TOPBP1: variants seen among roughly 807,000 people sequenced by gnomAD.
The protein encoded by TOPBP1 is DNA topoisomerase II binding protein 1.
Under a neutral mutation model 167.7 loss-of-function variants are expected in TOPBP1, and 28 were observed. The observed-to-expected ratio is 0.17, with a 90% CI of 0.12 to 0.23. The LOEUF is 0.23. TOPBP1 is among the 10% of genes least tolerant of loss of function. The pLI is 1.00. For missense variants in TOPBP1, 1,554 were observed against 1,809.6 expected, an observed-to-expected ratio of 0.86 and a Z score of 2.56; for synonymous variants, 598 against 611.4, an observed-to-expected ratio of 0.98 and a Z score of 0.32.
intron 5 of TOPBP1, 122 bp from the exon 6 acceptor site, chr3:133,655,608 G>A: frequency 3.9e-6 from 2 of 517,470 alleles, no homozygotes; most frequent in African/African-American, 2.0e-5. Flanking sequence ...TTTTTACAAA[G>A]GAGAACCACC....
intron 16 of TOPBP1, among the ~76,000 whole-genome samples, chr3:133,626,117 CCAAA>C (rs1391254028): frequency 1.3e-5 from 2 of 152,140 alleles, no homozygotes; most frequent in East Asian, 1.9e-4. Context: ...ACTTTGCAGG[CCAAA>C]CAATCTCTTT....
rs1443352262 is a variant in TOPBP1, at chr3:133,661,912, C to G, written c.-151G>C. On this transcript the variant is annotated 5_prime_UTR_variant, in exon 1 of 28. Transcript: ENST00000260810. ...CTACCCCAAAGCAAACGCTGGAGAA[C>G]CCGGAAATTGCCCAGAACGGGAACC... 6.6e-6 allele frequency: 1 copy of G among 152,264 alleles called. No individual in the cohort carries two copies. Among genetic ancestry groups the G allele is most frequent in the Non-Finnish European group, 1.5e-5 (1 of 68,056 alleles). 9.4% of individuals were successfully genotyped at this position (152,264 alleles called of 1,614,324 possible). A position where few individuals can be genotyped will look rare whatever the true frequency, so the allele number is the denominator to read the frequency against.
chr3:133,608,394 T>G, intron 27 of TOPBP1, 141 bp downstream of exon 27: 1 of 877,396 alleles, frequency 1.1e-6, no homozygotes, highest in East Asian at 2.6e-5. Flanking sequence ...AGAATAAAAC[T>G]GAAAGGGCTG....
chr3:133,644,262 A>C lies in TOPBP1; in HGVS notation c.1606T>G (p.Ser536Ala). The change falls in exon 11 of 28, where the codon TCT becomes GCT. Residue 536 changes from serine (S) to alanine (A), a missense_variant. Physicochemically the swap from Ser to Ala is moderately conservative, Grantham distance 99 (BLOSUM62 1). Around this residue, in one of 3 missense-constraint regions of TOPBP1, gnomAD observed 1,197 missense variants for 1,351.5 expected, o/e 0.89. Coordinates refer to ENST00000260810, the MANE Select transcript of TOPBP1 (RefSeq NM_007027.4). The part of the protein sequence containing the change: ...HISLQEENQS[S>A]VSHCVPDVST... ...ACATCAGGGACACAATGACTGACAG[A>C]AGACTGGTTTTCTTCTTGCAAAGAA... 3 of 1,613,856 alleles carry C rather than the reference A, an allele frequency of 1.9e-6. No homozygotes were observed. The highest frequency in any genetic ancestry group is 2.5e-6 in the Non-Finnish European group (3 of 1,179,824).
Position 133,656,460 on chromosome 3 carries a change from T to C in TOPBP1, c.545+216A>G, listed in dbSNP as rs539680335. Among the ~76,000 whole-genome samples the C allele has an allele frequency of 2.6e-5, 4 of 152,338 alleles. No individual in the cohort carries two copies. The South Asian group carries it at 8.3e-4, about 32-fold the overall frequency. Reference sequence around the variant, plus strand: ...TTTATCACCAAAGCATTTCCTACTCTGTAGCTAATGCTAAACCCTTGGCCC... The same window carrying C: ...TTTATCACCAAAGCATTTCCTACTCCGTAGCTAATGCTAAACCCTTGGCCC... On this transcript the variant is annotated intron_variant, in intron 5 of 27. Transcript: ENST00000260810.
chr3:133,635,561 T>C (rs1439605902), intron 14 of TOPBP1, among the ~76,000 whole-genome samples: 4 of 152,228 alleles, frequency 2.6e-5, no homozygotes, highest in Non-Finnish European at 4.4e-5. Context: ...CAGCCCCTTG[T>C]ACCACTTTTA....
chr3:133,647,749 C>T (rs1559828878), intron 10 of TOPBP1, among the ~76,000 whole-genome samples: 1 of 151,896 alleles, frequency 6.6e-6, no homozygotes, highest in African/African-American at 2.4e-5. Flanking sequence ...ATTATTAAAA[C>T]AGAAAATTTA....
At chr3:133,619,621 A>G (rs1458642042) in intron 20 of TOPBP1, among the ~76,000 whole-genome samples, 1 of 152,232 alleles carries the variant, frequency 6.6e-6, no homozygotes, top group East Asian at 1.9e-4. Flanking sequence ...ATTGCATTAG[A>G]AAAAGACTCT....
intron 4 of TOPBP1, among the ~76,000 whole-genome samples, chr3:133,657,381 CTTT>C (rs11341315): frequency 3.8e-5 from 5 of 130,068 alleles, no homozygotes; most frequent in Non-Finnish European, 6.4e-5. Flanking sequence ...TCTTAGAATG[CTTT>C]TTTTTTTTTT....
At chr3:133,608,176 A>G (rs915253948) in intron 27 of TOPBP1, among the ~76,000 whole-genome samples, 1 of 152,212 alleles carries the variant, frequency 6.6e-6, no homozygotes, top group African/African-American at 2.4e-5. Context: ...TATTTAATGT[A>G]CATGAAAGCA....
chr3:133,628,103 T>C (rs1482621038), intron 16 of TOPBP1: 5 of 398,554 alleles, frequency 1.3e-5, no homozygotes, highest in South Asian at 3.1e-5. Context: ...GTTTCTAGAA[T>C]AGTTAGTGGC....
At chr3:133,615,062 T>C (rs968188346) in intron 23 of TOPBP1, among the ~76,000 whole-genome samples, 1 of 149,408 alleles carries the variant, frequency 6.7e-6, no homozygotes, top group African/African-American at 2.5e-5. Context: ...TACAACTGTA[T>C]TTGACATAAA....
intron 16 of TOPBP1, among the ~76,000 whole-genome samples, chr3:133,627,841 A>C (rs531474373): frequency 6.6e-6 from 1 of 152,164 alleles, no homozygotes; most frequent in African/African-American, 2.4e-5. Context: ...AGGTTGACTG[A>C]AGAAAAATCT....
At chr3:133,656,926 T>C in intron 4 of TOPBP1, 69 bp from the exon 5 acceptor site, 1 of 1,333,938 alleles carries the variant, frequency 7.5e-7, no homozygotes, top group Admixed American at 2.8e-5. Context: ...ATACACTATC[T>C]CATAAATACA....
At chr3:133,613,847 G>A (rs1205822500) in intron 23 of TOPBP1, among the ~76,000 whole-genome samples, 1 of 148,738 alleles carries the variant, frequency 6.7e-6, no homozygotes, top group Non-Finnish European at 1.5e-5. Flanking sequence ...GTGCAGGAGT[G>A]CAGTGGCGCG....
Position 133,640,040 on chromosome 3 carries a change from T to C in TOPBP1, c.2152A>G (p.Ile718Val), listed in dbSNP as rs750307159. ...AKKWNLPAVT[I>V]AWLLETARTG... ...CTAGCAGTCTCCAACAGCCAAGCTA[T>C]AGTAACGGCAGGTAAATTCCACTTC... The change falls in exon 13 of 28, where the codon ATA becomes GTA. Residue 718 changes from isoleucine (I) to valine (V), a missense_variant. Ile to Val is a conservative substitution (Grantham distance 29, BLOSUM62 3). Coordinates refer to ENST00000260810, the MANE Select transcript of TOPBP1 (RefSeq NM_007027.4). 26 of 1,613,808 alleles carry C rather than the reference T, an allele frequency of 1.6e-5. No individual in the cohort carries two copies. Among genetic ancestry groups the C allele is most frequent in the Non-Finnish European group, 2.1e-5 (25 of 1,179,862 alleles).
chr3:133,623,447 T>G lies in TOPBP1; in HGVS notation c.2939A>C (p.Glu980Ala). 1.2e-6 allele frequency: 2 copies of G among 1,610,464 alleles called. No homozygotes were observed. The highest frequency in any genetic ancestry group is 1.7e-6 in the Non-Finnish European group (2 of 1,178,102). The change falls in exon 18 of 28, where the codon GAG (glutamate) becomes GCG (alanine). Residue 980 changes from glutamate (E) to alanine (A), a missense_variant. By Grantham distance (107) the Glu-to-Ala change is moderately radical (BLOSUM62 -1). Around this residue, in one of 3 missense-constraint regions of TOPBP1, gnomAD observed 1,197 missense variants for 1,351.5 expected, o/e 0.89. Coordinates refer to ENST00000260810, the MANE Select transcript of TOPBP1 (RefSeq NM_007027.4). ...AAGAGATTCAGGAAGATGTTTACACTCTTGGGCACACTGCAATACAATGGT... is the reference window on the plus strand; with the variant it reads ...AAGAGATTCAGGAAGATGTTTACACGCTTGGGCACACTGCAATACAATGGT... ...SEHWLLDCAQ[E>A]CKHLPESLYP...
chr3:133,616,122 C>CTTTTT (rs200080685), intron 23 of TOPBP1, among the ~76,000 whole-genome samples: 2 of 141,280 alleles, frequency 1.4e-5, no homozygotes, highest in Non-Finnish European at 3.1e-5. Flanking sequence ...TTTCTTTTCC[C>CTTTTT]TTTTTTTTTT....
intron 27 of TOPBP1, among the ~76,000 whole-genome samples, chr3:133,602,121 A>G (rs1000383318): frequency 6.6e-6 from 1 of 152,136 alleles, no homozygotes; most frequent in Non-Finnish European, 1.5e-5. Context: ...TTAGGGGGAG[A>G]TAAGGGTCTT....
Sources: allele counts gnomAD v4.1 joint callset (sites outside exome capture counted in the v4.1 genomes callset), GRCh38; gene constraint gnomAD v4.1.1; regional missense constraint gnomAD v4.1.1; transcripts MANE v1.5; gene names NCBI Gene and HGNC (gene_info 2026-07-23, HGNC 2026-07-21).